Variants in LRRFIP2 observed in about 807,000 individuals in gnomAD.
LRRFIP2 encodes leucine-rich repeat flightless-interacting protein 2.
LRRFIP2 carries 109 observed loss-of-function variants against 125.9 expected under a neutral mutation model. The observed-to-expected ratio is 0.87, with a 90% CI of 0.74 to 1.01. The LOEUF (loss-of-function observed/expected upper bound fraction) is 1.01. Among genes scored for constraint, LRRFIP2 ranks in the 50% least tolerant of loss-of-function variants. LRRFIP2 has a pLI of 0.00. For missense variants in LRRFIP2, 850 were observed against 862.3 expected (o/e 0.99, Z 0.18); for synonymous variants, 291 against 293.1 (o/e 0.99, Z 0.07).
chr3:37,112,473 T>C (rs1031986976), intron 8 of LRRFIP2, among the ~76,000 whole-genome samples: 2 of 152,214 alleles, frequency 1.3e-5, no homozygotes, highest in Non-Finnish European at 1.5e-5. Flanking sequence ...CAAGCTAGTA[T>C]GGAAACTTTG....
chr3:37,112,635 T>C (rs2094594419), intron 8 of LRRFIP2, among the ~76,000 whole-genome samples: 1 of 152,214 alleles, frequency 6.6e-6, no homozygotes, highest in African/African-American at 2.4e-5. Flanking sequence ...AGAATCTTAC[T>C]AAACCTATTC....
chr3:37,129,093 G>A lies in LRRFIP2; in HGVS notation c.147C>T (p.Arg49=). The A allele has an allele frequency of 6.2e-7, 1 of 1,614,090 alleles. No homozygotes were observed. Among genetic ancestry groups the A allele is most frequent in the Non-Finnish European group, 8.5e-7 (1 of 1,180,010 alleles). Reference sequence around the variant, plus strand: ...TTTGTTGTCGTTCCAGTTCTCTCATGCGTATATCTCTTGCTTCTGCCCGGG... The same window carrying A: ...TTTGTTGTCGTTCCAGTTCTCTCATACGTATATCTCTTGCTTCTGCCCGGG... ...RAARAEARDI[R]MRELERQQKE... The change falls in exon 3 of 28, where the codon CGC becomes CGT. Residue 49 remains arginine, a synonymous_variant. Transcript: ENST00000336686.
chr3:37,057,988 T>C (rs911407370), intron 25 of LRRFIP2, among the ~76,000 whole-genome samples: 1 of 152,228 alleles, frequency 6.6e-6, no homozygotes, highest in African/African-American at 2.4e-5. Flanking sequence ...AAATTTCATC[T>C]AATAAAGATA....
At chr3:37,116,486 G>A (rs1195168358) in intron 6 of LRRFIP2, among the ~76,000 whole-genome samples, 1 of 152,068 alleles carries the variant, frequency 6.6e-6, no homozygotes, top group Admixed American at 6.6e-5. Flanking sequence ...ATTAGAGGGT[G>A]TTGTGCAAAG....
intron 14 of LRRFIP2, among the ~76,000 whole-genome samples, chr3:37,104,217 A>C (rs2149350344): frequency 6.6e-6 from 1 of 152,262 alleles, no homozygotes; most frequent in East Asian, 1.9e-4. Context: ...ATTCCATTTA[A>C]TCCATATATT....
chr3:37,120,160 T>G (rs1576936430), intron 6 of LRRFIP2, among the ~76,000 whole-genome samples: 2 of 147,126 alleles, frequency 1.4e-5, no homozygotes. Flanking sequence ...TAGGCTGGAG[T>G]GCAATGGCGA....
chr3:37,105,893 C>T (rs1047071216), intron 13 of LRRFIP2, among the ~76,000 whole-genome samples: 1 of 152,082 alleles, frequency 6.6e-6, no homozygotes, highest in African/African-American at 2.4e-5. Context: ...GGTGAAACCC[C>T]GTCTCTACTA....
In LRRFIP2 at chr3:37,065,982, T is replaced by C. The variant is rs1391898941; in HGVS notation, c.1567-40A>G. ...AACCCACCATCACAAAAGGCCCGTA[T>C]GGAAGCTGTAAGCTCTGTGAGGTCA... On this transcript the variant is annotated intron_variant, in intron 22 of 27. Transcript: ENST00000336686. The C allele has an allele frequency of 5.6e-6, 9 of 1,613,454 alleles. No homozygotes were observed. In the African/African-American group the frequency reaches 9.3e-5, roughly 17 times the overall value.
At chr3:37,088,689 A>G (rs1340237989) in intron 18 of LRRFIP2, among the ~76,000 whole-genome samples, 1 of 151,980 alleles carries the variant, frequency 6.6e-6, no homozygotes, top group African/African-American at 2.4e-5. Context: ...GTGCACCCCT[A>G]TAGTCCCAGC....
intron 25 of LRRFIP2, among the ~76,000 whole-genome samples, chr3:37,056,656 T>C (rs1222205526): frequency 6.6e-6 from 1 of 152,002 alleles, no homozygotes; most frequent in Admixed American, 6.6e-5. Flanking sequence ...GGTTTCACCA[T>C]GTTAGCCAGG....
chr3:37,152,509 T>C (rs544145035), intron 1 of LRRFIP2, among the ~76,000 whole-genome samples: 1 of 152,276 alleles, frequency 6.6e-6, no homozygotes, highest in South Asian at 2.1e-4. Context: ...AGTGACATGA[T>C]CTTGGCTCAC....
intron 2 of LRRFIP2, among the ~76,000 whole-genome samples, chr3:37,135,590 G>T (rs1560010275): frequency 6.6e-6 from 1 of 151,976 alleles, no homozygotes; most frequent in Non-Finnish European, 1.5e-5. Flanking sequence ...AAAAGTAGAT[G>T]AGATACAATA....
In LRRFIP2 at chr3:37,094,773, A is replaced by C. The variant is rs1454163504; in HGVS notation, c.1035+19T>G. On this transcript the variant is annotated intron_variant, in intron 17 of 27. Coordinates refer to ENST00000336686, the MANE Select transcript of LRRFIP2 (RefSeq NM_006309.4). ...TCAAAAAACTGCTTTTAAAAAGAAAACCAAAAACTTCAGTTTACCCGCAAT... is the reference window on the plus strand; with the variant it reads ...TCAAAAAACTGCTTTTAAAAAGAAACCCAAAAACTTCAGTTTACCCGCAAT... 6.4e-7 allele frequency: 1 copy of C among 1,566,880 alleles called. No homozygotes were observed. The highest frequency in any genetic ancestry group is 8.8e-7 in the Non-Finnish European group (1 of 1,138,174).
At position 37,060,490 on chromosome 3, in the gene LRRFIP2, A is replaced by G. The variant is rs2088297288; in HGVS notation, c.1750-1580T>C. On this transcript the variant is annotated intron_variant, in intron 24 of 27. Transcript: ENST00000336686. This position sits in a 1 kb window ranked among gnomAD's most constrained non-coding sequence, Gnocchi z 4.1. ...CGTCCAATTTTTGTATTTTTAGTAG[A>G]TGGGGTTTCGTCATGTTGGCCAGGC... Among the ~76,000 whole-genome samples the G allele has an allele frequency of 6.6e-6, 1 of 151,764 alleles. No individual in the cohort carries two copies. Among genetic ancestry groups the G allele is most frequent in the Admixed American group, 6.6e-5 (1 of 15,228 alleles).
chr3:37,135,027 G>A (rs922754400), intron 2 of LRRFIP2: 77 of 1,475,220 alleles, frequency 5.2e-5, no homozygotes, highest in Non-Finnish European at 1.0e-5. Flanking sequence ...GTGCCAGAGA[G>A]CACACGGATC....
At chr3:37,084,629 G>A (rs955342076) in intron 18 of LRRFIP2, among the ~76,000 whole-genome samples, 1 of 152,010 alleles carries the variant, frequency 6.6e-6, no homozygotes, top group Non-Finnish European at 1.5e-5. Context: ...TTGTGCCACC[G>A]CACTCCAGCC....
In LRRFIP2 at chr3:37,121,841, CGTGTGTGTGTGTGTGTGTGTGT is replaced by C. The variant is rs60540567; in HGVS notation, c.229-172_229-151del. 2,521 of 521,600 alleles carry C rather than the reference CGTGTGTGTGTGTGTGTGTGTGT, an allele frequency of 4.8e-3. 10 individuals carry two copies. Among genetic ancestry groups the C allele is most frequent in the Middle Eastern group, 0.013 (27 of 2,022 alleles). The allele number at this position is 521,600 out of a possible 1,614,324, so 32.3% of individuals were successfully genotyped here. ...AACTTATCTTAGGGGCAGCCACATT[CGTGTGTGTGTGTGTGTGTGTGT>C]GTGTGTGTGTGTGTGTGTGTGTGTA... On this transcript the variant is annotated intron_variant, in intron 4 of 27. Transcript: ENST00000336686.
At chr3:37,062,815 C>G (rs1025730689) in intron 24 of LRRFIP2, among the ~76,000 whole-genome samples, 1 of 152,024 alleles carries the variant, frequency 6.6e-6, no homozygotes, top group Non-Finnish European at 1.5e-5. Flanking sequence ...ATCCACAAAC[C>G]CTCTTCTCAG....
chr3:37,057,397 G>A (rs1307043599), intron 25 of LRRFIP2, among the ~76,000 whole-genome samples: 2 of 152,082 alleles, frequency 1.3e-5, no homozygotes, highest in African/African-American at 2.4e-5. Flanking sequence ...CTCATCTACC[G>A]CCAACACCAA....
Sources: gnomAD v4.1 joint callset for allele counts (sites outside exome capture counted in the v4.1 genomes callset) on GRCh38, gnomAD v4.1.1 for gene constraint, Gnocchi (gnomAD v3.1) non-coding constraint, MANE v1.5 for transcripts, NCBI Gene and HGNC (gene_info 2026-07-23, HGNC 2026-07-21) for gene names.